Variants in SLC4A4 observed in about 807,000 individuals in gnomAD.
The protein encoded by SLC4A4 is solute carrier family 4 member 4.
A neutral mutation model predicts 111.5 loss-of-function variants in SLC4A4; 27 were observed. The ratio of observed to expected loss-of-function variants is 0.24; its 90% CI spans 0.18 to 0.33. The LOEUF is 0.33. SLC4A4 is among the 10% of genes least tolerant of loss of function. The pLI is 1.00. For synonymous variants in SLC4A4, 443 were observed against 463.4 expected (o/e 0.96, Z 0.57); for missense variants, 909 against 1,315.5 (o/e 0.69, Z 4.78).
At chr4:71,286,917 A>G (rs1723961882) in intron 3 of SLC4A4, among the ~76,000 whole-genome samples, 1 of 151,988 alleles carries the variant, frequency 6.6e-6, no homozygotes, top group Non-Finnish European at 1.5e-5. Context: ...TAGAATTATT[A>G]TGAGTTTTTT....
chr4:71,175,573 G>A (rs1023928811), intron 2 of SLC4A4, among the ~76,000 whole-genome samples: 2 of 152,178 alleles, frequency 1.3e-5, no homozygotes, highest in African/African-American at 2.4e-5. Context: ...ATGGAGCCTC[G>A]CTCATTGCTA....
chr4:71,095,453 T>C (rs1024684402), intron 2 of SLC4A4, among the ~76,000 whole-genome samples: 1 of 152,204 alleles, frequency 6.6e-6, no homozygotes, highest in African/African-American at 2.4e-5. Flanking sequence ...TGCTCCAGGA[T>C]TAAGAAAATG....
At chr4:71,464,134 A>G (rs1727099420) in intron 12 of SLC4A4, among the ~76,000 whole-genome samples, 1 of 152,176 alleles carries the variant, frequency 6.6e-6, no homozygotes, top group African/African-American at 2.4e-5. Flanking sequence ...AAGATAAATT[A>G]TAAAGACATA....
chr4:71,224,809 T>C (rs1366919838), intron 1 of SLC4A4, among the ~76,000 whole-genome samples: 1 of 152,148 alleles, frequency 6.6e-6, no homozygotes, highest in Non-Finnish European at 1.5e-5. Context: ...GATTAGTTAA[T>C]TATGAAAGAG....
intron 3 of SLC4A4, 54 bp from the exon 4 acceptor site, chr4:71,339,316 C>T (rs563288159): frequency 6.2e-7 from 1 of 1,614,214 alleles, no homozygotes; most frequent in African/African-American, 1.3e-5. Context: ...CGGAGCTCCA[C>T]TTTCCTCAGG....
chr4:71,179,499 C>A (rs890460107), intron 2 of SLC4A4, among the ~76,000 whole-genome samples: 1 of 152,140 alleles, frequency 6.6e-6, no homozygotes, highest in Non-Finnish European at 1.5e-5. Flanking sequence ...TAAGCAACTT[C>A]AGCAAAGTCT....
In SLC4A4 at chr4:71,296,551, CT is replaced by C. The variant is rs771369568; in HGVS notation, c.253+41159del. ...TTTTTTTGGGGGGGAACCATTGGTA[CT>C]TTTTTTATACATGGTAGACTAAATT... is the stretch of plus-strand genomic sequence containing the variant. On this transcript the variant is annotated intron_variant, in intron 3 of 25. Coordinates refer to ENST00000264485, the MANE Select transcript of SLC4A4 (RefSeq NM_001098484.3). Among the ~76,000 whole-genome samples the C allele has an allele frequency of 2.0e-5, 3 of 152,040 alleles. No individual in the cohort carries two copies. The South Asian group carries it at 6.2e-4, about 32-fold the overall frequency.
At chr4:71,268,344 G>A (rs532990271) in intron 3 of SLC4A4, among the ~76,000 whole-genome samples, 9 of 152,228 alleles carry the variant, frequency 5.9e-5, no homozygotes, top group South Asian at 4.2e-4. Flanking sequence ...TGTGACTCAC[G>A]TGATGTAAGG....
At chr4:71,360,756 G>A (rs1730702907) in intron 6 of SLC4A4, among the ~76,000 whole-genome samples, 1 of 152,000 alleles carries the variant, frequency 6.6e-6, no homozygotes, top group Admixed American at 6.6e-5. Flanking sequence ...CTAACTATAT[G>A]CAATTTACAA....
intron 6 of SLC4A4, among the ~76,000 whole-genome samples, chr4:71,366,069 T>C (rs1205748551): frequency 6.6e-6 from 1 of 152,174 alleles, no homozygotes; most frequent in African/African-American, 2.4e-5. Context: ...AGACAGATGA[T>C]TGTCTTTATT....
At chr4:71,543,959 A>T (rs1028619473) in intron 18 of SLC4A4, among the ~76,000 whole-genome samples, 2 of 151,836 alleles carry the variant, frequency 1.3e-5, no homozygotes, top group African/African-American at 4.8e-5. Flanking sequence ...TATGCATGCT[A>T]TTTTTCCTTT....
At chr4:71,471,054 A>T (rs1577982381) in intron 13 of SLC4A4, among the ~76,000 whole-genome samples, 1 of 152,026 alleles carries the variant, frequency 6.6e-6, no homozygotes, top group Admixed American at 6.6e-5. Context: ...AGGACATAAA[A>T]TTAATCATCA....
rs1356012972 is a variant in SLC4A4 at position 71,569,464 on chromosome 4, C to T, written c.*1713C>T. On this transcript the variant is annotated 3_prime_UTR_variant, in exon 26 of 26. Transcript: ENST00000264485. Reference sequence around the variant, plus strand: ...GTACATATTATATGTATGTATATTTCAAAGTACCACACTGAAAATTAGACA... The same window carrying T: ...GTACATATTATATGTATGTATATTTTAAAGTACCACACTGAAAATTAGACA... 6.6e-6 allele frequency: 1 copy of T among 151,382 alleles called. No homozygotes were observed. Among genetic ancestry groups the T allele is most frequent in the Non-Finnish European group, 1.5e-5 (1 of 67,744 alleles). The allele number at this position is 151,382 out of a possible 1,614,324, so 9.4% of individuals were successfully genotyped here. A position where few individuals can be genotyped will look rare whatever the true frequency, so the allele number is the denominator to read the frequency against.
chr4:71,187,434 G>A (rs1316811618), intron 1 of SLC4A4, 33 bp downstream of exon 1: 1 of 152,168 alleles, frequency 6.6e-6, no homozygotes, highest in Admixed American at 6.6e-5. Context: ...TGCCGGGAGG[G>A]TCGATGGGGT....
chr4:71,419,936 C>T (rs1400751602), intron 7 of SLC4A4, among the ~76,000 whole-genome samples: 7 of 152,210 alleles, frequency 4.6e-5, no homozygotes, highest in Non-Finnish European at 8.8e-5. Flanking sequence ...GAGCACCTCT[C>T]CTCCTCCAAA....
At chr4:71,172,255 C>CTTT (rs1304017266) in intron 2 of SLC4A4, among the ~76,000 whole-genome samples, 97 of 151,134 alleles carry the variant, frequency 6.4e-4, no homozygotes, top group African/African-American at 2.3e-3. Flanking sequence ...TTTTCTTTTT[C>CTTT]TTTCTTTTTT....
chr4:71,360,214 T>C (rs1730647792), intron 6 of SLC4A4, among the ~76,000 whole-genome samples: 1 of 152,212 alleles, frequency 6.6e-6, no homozygotes, highest in Non-Finnish European at 1.5e-5. Context: ...GTAGAAATAC[T>C]GTTAAATAGT....
At chr4:71,106,344 C>T (rs969294949) in intron 2 of SLC4A4, among the ~76,000 whole-genome samples, 8 of 151,146 alleles carry the variant, frequency 5.3e-5, no homozygotes, top group African/African-American at 2.0e-4. Flanking sequence ...ACTAGTTCAA[C>T]CGTTGTGGAA....
intron 2 of SLC4A4, among the ~76,000 whole-genome samples, chr4:71,155,488 G>C (rs1421482089): frequency 6.6e-6 from 1 of 151,966 alleles, no homozygotes; most frequent in Non-Finnish European, 1.5e-5. Context: ...TAAGATATAG[G>C]GTCTTGTTCT....
Sources: gnomAD v4.1 joint callset for allele counts (sites outside exome capture counted in the v4.1 genomes callset) on GRCh38, gnomAD v4.1.1 for gene constraint, MANE v1.5 for transcripts, NCBI Gene and HGNC (gene_info 2026-07-23, HGNC 2026-07-21) for gene names.